SAP130: variants seen among roughly 807,000 people sequenced by gnomAD.
SAP130 encodes Sin3A associated protein 130.
In SAP130, 16 loss-of-function variants were observed where a neutral mutation model predicts 103.2. The ratio of observed to expected loss-of-function variants is 0.16; its 90% CI spans 0.10 to 0.24. SAP130 has a LOEUF of 0.24. SAP130 is among the 10% of genes least tolerant of loss of function. The pLI, the probability that SAP130 is intolerant of heterozygous loss-of-function variation, is 1.00. For synonymous variants in SAP130, 477 were observed against 497.0 expected (o/e 0.96, Z 0.53); for missense variants, 990 against 1,359.7 (o/e 0.73, Z 4.28).
intron 15 of SAP130, among the ~76,000 whole-genome samples, chr2:127,956,702 T>TAAAAA (rs55931869): frequency 1.6e-4 from 18 of 111,252 alleles, no homozygotes; most frequent in African/African-American, 2.9e-4. Flanking sequence ...TAAAGTATAA[T>TAAAAA]AAAAAAAAAA....
chr2:127,993,082 G>A, intron 12 of SAP130, 105 bp downstream of exon 12: 3 of 1,329,570 alleles, frequency 2.3e-6, no homozygotes, highest in Non-Finnish European at 3.2e-6. Context: ...GAAAACAGAA[G>A]CTGAAATAAT....
intron 14 of SAP130, among the ~76,000 whole-genome samples, 157 bp from the exon 15 acceptor site, chr2:127,978,246 C>A (rs1681614758): frequency 6.6e-6 from 1 of 151,812 alleles, no homozygotes; most frequent in African/African-American, 2.4e-5. Context: ...TCGGATACCA[C>A]AGACACATTA....
intron 2 of SAP130, 52 bp downstream of exon 2, chr2:128,026,129 T>G: frequency 8.3e-7 from 1 of 1,200,272 alleles, no homozygotes. Context: ...GTTAGAAAAC[T>G]GGTAATATTC....
At position 127,942,701 on chromosome 2, in the gene SAP130, T is replaced by C. The variant is rs1232766483; in HGVS notation, c.2902-164A>G. On this transcript the variant is annotated intron_variant, in intron 19 of 20. Coordinates refer to ENST00000643581, the MANE Select transcript of SAP130 (RefSeq NM_001330301.2). The surrounding 1 kb of genome is among the most constrained non-coding windows in gnomAD (Gnocchi z 4.8). The stretch of plus-strand genomic sequence containing the variant: ...CTAAGATACTAAGGTTTAAAAACAG[T>C]AAAGGGGCTGGGCGCGGTGGCTCAC... Among the ~76,000 whole-genome samples, 1 of 152,160 alleles carries C rather than the reference T, an allele frequency of 6.6e-6. No individual in the cohort carries two copies. The highest frequency in any genetic ancestry group is 1.5e-5 in the Non-Finnish European group (1 of 68,028).
chr2:127,952,133 A>G (rs1679534886), intron 16 of SAP130, among the ~76,000 whole-genome samples: 2 of 152,130 alleles, frequency 1.3e-5, no homozygotes, highest in South Asian at 4.1e-4. Context: ...CTATTAACAT[A>G]CAAAACTCTT....
Position 127,945,802 on chromosome 2 carries a change from G to A in SAP130, c.2798-243C>T, listed in dbSNP as rs564986805. ...CAAGTAGCTGGGACTACAGGTGTGC[G>A]CCATCATGCTGGGCTCACTTTTGTA... On this transcript the variant is annotated intron_variant, in intron 18 of 20. Coordinates refer to ENST00000643581, the MANE Select transcript of SAP130 (RefSeq NM_001330301.2). Among the ~76,000 whole-genome samples the A allele has an allele frequency of 5.9e-5, 9 of 152,174 alleles. No homozygotes were observed. The South Asian group carries it at 8.3e-4, about 14-fold the overall frequency.
At chr2:127,962,746 C>G in intron 15 of SAP130, among the ~76,000 whole-genome samples, 1 of 142,166 alleles carries the variant, frequency 7.0e-6, no homozygotes, top group African/African-American at 2.6e-5. Flanking sequence ...GGGGAGGGGG[C>G]AGGGATAGCA....
chr2:127,990,322 G>A (rs930963698), intron 12 of SAP130, among the ~76,000 whole-genome samples: 1 of 151,358 alleles, frequency 6.6e-6, no homozygotes, highest in Non-Finnish European at 1.5e-5. Flanking sequence ...CAAGTGTCCT[G>A]TGTCTTACAA....
intron 15 of SAP130, among the ~76,000 whole-genome samples, chr2:127,973,902 C>G (rs751238141): frequency 6.6e-6 from 1 of 151,916 alleles, no homozygotes; most frequent in South Asian, 2.1e-4. Flanking sequence ...GGTGAAACCC[C>G]GTTTCGACAA....
At chr2:127,978,665 G>C (rs921127301) in intron 14 of SAP130, among the ~76,000 whole-genome samples, 2 of 152,152 alleles carry the variant, frequency 1.3e-5, no homozygotes, top group African/African-American at 4.8e-5. Context: ...GAGTGGATCT[G>C]AGAGAAAATA....
intron 4 of SAP130, among the ~76,000 whole-genome samples, chr2:128,016,049 C>T (rs1573840995): frequency 6.6e-6 from 1 of 152,050 alleles, no homozygotes; most frequent in East Asian, 1.9e-4. Context: ...ACTGCCTACC[C>T]CCGGAAGGCA....
intron 2 of SAP130, 110 bp from the exon 3 acceptor site, chr2:128,018,025 A>T (rs1159718195): frequency 1.2e-6 from 1 of 847,426 alleles, no homozygotes; most frequent in Non-Finnish European, 1.8e-6. Flanking sequence ...CAAAGTGGCC[A>T]TTTCCTTGTG....
Position 127,964,178 on chromosome 2 carries a change from C to T in SAP130, c.2064-8834G>A, listed in dbSNP as rs189026344. On this transcript the variant is annotated intron_variant, in intron 15 of 20. Coordinates refer to ENST00000643581, the MANE Select transcript of SAP130 (RefSeq NM_001330301.2). ...CCATTGCACTCCAGCCTGGATGACA[C>T]GGTGAGACCCTATCTAAAAAATAAG... 4.7e-4 allele frequency among the ~76,000 whole-genome samples: 71 copies of T among 151,568 alleles called. 1 individual carries two copies. Among genetic ancestry groups the T allele is most frequent in the Middle Eastern group, 6.9e-3 (2 of 288 alleles).
intron 18 of SAP130, among the ~76,000 whole-genome samples, chr2:127,948,891 C>T (rs1321980074): frequency 1.3e-5 from 2 of 152,086 alleles, no homozygotes; most frequent in Non-Finnish European, 2.9e-5. Flanking sequence ...TGAAATGCTA[C>T]CAGGCAAATT....
intron 7 of SAP130, among the ~76,000 whole-genome samples, chr2:128,003,158 G>A (rs946078482): frequency 6.6e-6 from 1 of 151,704 alleles, no homozygotes. Flanking sequence ...CAGCAAAAAG[G>A]GGTTCTCACT....
At chr2:128,022,458 T>C (rs568187114) in intron 2 of SAP130, among the ~76,000 whole-genome samples, 1 of 152,392 alleles carries the variant, frequency 6.6e-6, no homozygotes. Context: ...TATTTTCATT[T>C]ACCTTTGATA....
rs756719422 is a variant in SAP130 at position 128,027,145 on chromosome 2, G to A, written c.-7+795C>T. ...CCCGCTTCTATCTCGCCGGCCTGGG[G>A]GTGCCGCGGAGGGCCCATCTCGGCG... On this transcript the variant is annotated intron_variant, in intron 1 of 20. Coordinates refer to ENST00000643581, the MANE Select transcript of SAP130 (RefSeq NM_001330301.2). 635 of 1,367,876 alleles carry A rather than the reference G, an allele frequency of 4.6e-4. 3 individuals carry two copies. Among genetic ancestry groups the A allele is most frequent in the South Asian group, 1.2e-3 (64 of 53,914 alleles). The allele number at this position is 1,367,876 out of a possible 1,614,324, so 84.7% of individuals were successfully genotyped here.
Position 128,013,033 on chromosome 2 carries a change from G to C in SAP130, c.741C>G (p.Ile247Met), listed in dbSNP as rs376669821. Reference sequence around the variant, plus strand: ...TGCACCCCAGGCTCCGACGTGCCTGGATTGGTTGGTGAATGATGTGCTGTA... The same window carrying C: ...TGCACCCCAGGCTCCGACGTGCCTGCATTGGTTGGTGAATGATGTGCTGTA... ...PAVQHIIHQP[I>M]QSRPPVTTSN... The change falls in exon 6 of 21, where the codon ATC becomes ATG. Residue 247 changes from isoleucine (I) to methionine (M), a missense_variant. Transcript: ENST00000643581. 1 of 1,608,198 alleles carries C rather than the reference G, an allele frequency of 6.2e-7. No individual in the cohort carries two copies. The highest frequency in any genetic ancestry group is 1.1e-5 in the South Asian group (1 of 90,146).
intron 15 of SAP130, among the ~76,000 whole-genome samples, chr2:127,976,509 C>A (rs910581227): frequency 6.6e-6 from 1 of 152,104 alleles, no homozygotes; most frequent in Admixed American, 6.6e-5. Context: ...TTCTCAAATG[C>A]GGTTTTATGA....
Sources: allele counts gnomAD v4.1 joint callset (sites outside exome capture counted in the v4.1 genomes callset), GRCh38; gene constraint gnomAD v4.1.1; non-coding constraint Gnocchi (gnomAD v3.1); transcripts MANE v1.5; gene names NCBI Gene and HGNC (gene_info 2026-07-23, HGNC 2026-07-21).